ARAP2: variants seen among roughly 807,000 people sequenced by gnomAD.
The protein encoded by ARAP2 is arf-GAP with Rho-GAP domain, ANK repeat and PH domain-containing protein 2.
A neutral mutation model predicts 194.5 loss-of-function variants in ARAP2; 148 were observed. The ratio of observed to expected loss-of-function variants is 0.76; its 90% CI spans 0.67 to 0.87. ARAP2 has a LOEUF of 0.87. Among genes scored for constraint, ARAP2 ranks in the 40% least tolerant of loss-of-function variants. The probability of loss-of-function intolerance (pLI) is 0.00; values close to 1 mark genes in which losing one functional copy is unlikely to be tolerated. For missense variants in ARAP2, 2,128 were observed against 1,989.7 expected (o/e 1.07, Z -1.32); for synonymous variants, 695 against 683.5 (o/e 1.02, Z -0.26).
chr4:36,045,728 T>A (rs1462201274), intron 5 of ARAP2, among the ~76,000 whole-genome samples: 1 of 152,198 alleles, frequency 6.6e-6, no homozygotes, highest in Non-Finnish European at 1.5e-5. Flanking sequence ...TGTATAAATA[T>A]GTGAGGTGAT....
intron 5 of ARAP2, 146 bp downstream of exon 5, chr4:36,212,250 C>T (rs143229330): frequency 2.9e-5 from 16 of 552,800 alleles, no homozygotes; most frequent in Non-Finnish European, 4.3e-5. Flanking sequence ...ATGGGTGCTG[C>T]TATGCTTACA....
intron 10 of ARAP2, 129 bp from the exon 11 acceptor site, chr4:36,165,242 C>T: frequency 1.3e-6 from 1 of 783,266 alleles, no homozygotes; most frequent in African/African-American, 1.7e-5. Context: ...CTAGGCAGTT[C>T]TGGGTTGTCT....
chr4:36,213,370 T>C (rs1747191977), intron 3 of ARAP2, 51 bp from the exon 4 acceptor site: 6 of 1,325,520 alleles, frequency 4.5e-6, no homozygotes, highest in African/African-American at 4.4e-5. Context: ...TAATGTGAAA[T>C]ACTGTTTTTA....
chr4:36,163,124 C>T (rs1034184145), intron 11 of ARAP2, among the ~76,000 whole-genome samples: 1 of 151,936 alleles, frequency 6.6e-6, no homozygotes, highest in Admixed American at 6.6e-5. Context: ...GAATCATTTG[C>T]TTAAAAATGA....
At chr4:36,195,651 G>A (rs1464049345) in intron 6 of ARAP2, among the ~76,000 whole-genome samples, 1 of 152,092 alleles carries the variant, frequency 6.6e-6, no homozygotes, top group Non-Finnish European at 1.5e-5. Context: ...AGCCCTTAGG[G>A]CCTCCCATTA....
intron 4 of ARAP2, 34 bp downstream of exon 4, chr4:36,213,209 A>G: frequency 1.4e-6 from 2 of 1,411,714 alleles, no homozygotes; most frequent in Middle Eastern, 1.8e-4. Flanking sequence ...CAAATAATTG[A>G]TTATGGAAAA....
In ARAP2 at chr4:36,089,095, A is replaced by G. The variant is rs532637664; in HGVS notation, c.4425+2786T>C. On this transcript the variant is annotated intron_variant, in intron 28 of 32. Transcript: ENST00000303965. ...GGAGAAAGAACATTTCTATCTAGAA[A>G]GTACCCCACTGACCCTTTTCCTTGG... 2.0e-5 allele frequency among the ~76,000 whole-genome samples: 3 copies of G among 152,222 alleles called. No individual in the cohort carries two copies. The South Asian group carries it at 6.2e-4, about 32-fold the overall frequency.
intron 9 of ARAP2, among the ~76,000 whole-genome samples, chr4:36,010,788 C>T (rs186840234): frequency 5.9e-5 from 9 of 152,202 alleles, no homozygotes; most frequent in East Asian, 1.9e-4. Flanking sequence ...CTCTGACTTG[C>T]GGGATATATG....
At chr4:36,087,054 TA>T (rs1244896847) in intron 28 of ARAP2, among the ~76,000 whole-genome samples, 1 of 152,156 alleles carries the variant, frequency 6.6e-6, no homozygotes, top group East Asian at 1.9e-4. Flanking sequence ...CTAAATCATT[TA>T]AAAAATATAT....
At chr4:36,118,011 G>A (rs1237911965) in intron 24 of ARAP2, among the ~76,000 whole-genome samples, 1 of 151,286 alleles carries the variant, frequency 6.6e-6, no homozygotes. Context: ...TCATAACCAA[G>A]AAATCATTCT....
intron 6 of ARAP2, among the ~76,000 whole-genome samples, chr4:36,197,235 G>A (rs553697330): frequency 6.6e-6 from 1 of 152,178 alleles, no homozygotes; most frequent in East Asian, 1.9e-4. Context: ...ACATCAAACA[G>A]ACTTTGAGAT....
Position 36,202,646 on chromosome 4 carries a change from T to C in ARAP2, c.1487+7744A>G, listed in dbSNP as rs997892242. ...TCATAAAGTGGTGTATAAAAAGCTA[T>C]GTTAAAAGATTCACACTTCTTTATT... is the stretch of plus-strand genomic sequence containing the variant. On this transcript the variant is annotated intron_variant, in intron 6 of 32. Transcript: ENST00000303965. 3.9e-5 allele frequency among the ~76,000 whole-genome samples: 6 copies of C among 152,142 alleles called. No individual in the cohort carries two copies. The South Asian group carries it at 1.0e-3, about 26-fold the overall frequency.
intron 2 of ARAP2, among the ~76,000 whole-genome samples, chr4:36,054,282 G>A (rs187277021): frequency 6.6e-6 from 1 of 152,114 alleles, no homozygotes; most frequent in African/African-American, 2.4e-5. Flanking sequence ...GACCAGAGAG[G>A]AGCAGCTTAA....
At chr4:36,122,036 TA>T (rs544760632) in intron 22 of ARAP2, among the ~76,000 whole-genome samples, 26 of 150,946 alleles carry the variant, frequency 1.7e-4, no homozygotes, top group Non-Finnish European at 3.0e-4. Context: ...ATAAAGTAAT[TA>T]AAAAAAATAA....
intron 9 of ARAP2, among the ~76,000 whole-genome samples, chr4:36,171,091 C>T (rs149129663): frequency 4.6e-4 from 70 of 152,272 alleles, no homozygotes; most frequent in African/African-American, 1.5e-3. Flanking sequence ...ATTCCTCTCT[C>T]GCTTGTTCAC....
Position 36,069,631 on chromosome 4 carries a change from C to G in ARAP2, c.4744-1353G>C, listed in dbSNP as rs370727157. Among the ~76,000 whole-genome samples, 23 of 152,208 alleles carry G rather than the reference C, an allele frequency of 1.5e-4. No individual in the cohort carries two copies. In the East Asian group the frequency reaches 4.2e-3, roughly 28 times the overall value. ...GGTTTTATATATCAGAGTGACAGTT[C>G]TCATCGTCTTTCAACCATCAGCATA... is the stretch of plus-strand genomic sequence containing the variant. On this transcript the variant is annotated intron_variant, in intron 32 of 32. Coordinates refer to ENST00000303965, the MANE Select transcript of ARAP2 (RefSeq NM_015230.4).
chr4:36,238,119 C>T (rs1451873384), intron 1 of ARAP2, among the ~76,000 whole-genome samples: 1 of 152,138 alleles, frequency 6.6e-6, no homozygotes, highest in Admixed American at 6.5e-5. Flanking sequence ...AACATCCGCC[C>T]CATTAAACCC....
chr4:36,068,177 G>A lies in ARAP2; in HGVS notation c.4845C>T (p.Cys1615=). The A allele has an allele frequency of 1.2e-6, 2 of 1,613,896 alleles. No individual in the cohort carries two copies. The highest frequency in any genetic ancestry group is 1.7e-6 in the Non-Finnish European group (2 of 1,179,810). ...GAAGTTTATCGTCCTTGTGCTCCAGGCAGTGGGCCACCATGGAAGCTCTCT... is the reference window on the plus strand; with the variant it reads ...GAAGTTTATCGTCCTTGTGCTCCAGACAGTGGGCCACCATGGAAGCTCTCT... ...LKERASMVAH[C]LEHKDDKLRN... is the part of the protein sequence containing the mutation. Residue 1615 remains cysteine, a synonymous_variant, in exon 33 of 33, where the codon TGC becomes TGT. Transcript: ENST00000303965.
intron 28 of ARAP2, among the ~76,000 whole-genome samples, chr4:36,091,242 T>C (rs1425079736): frequency 1.3e-5 from 2 of 152,184 alleles, no homozygotes; most frequent in Admixed American, 1.3e-4. Flanking sequence ...AGAGGTTAAG[T>C]TACTTATTCA....
Sources: allele counts gnomAD v4.1 joint callset (sites outside exome capture counted in the v4.1 genomes callset), GRCh38; gene constraint gnomAD v4.1.1; transcripts MANE v1.5; gene names NCBI Gene and HGNC (gene_info 2026-07-23, HGNC 2026-07-21).